EHBP1: variants seen among roughly 807,000 people sequenced by gnomAD.
The protein encoded by EHBP1 is EH domain-binding protein 1.
In EHBP1, 55 loss-of-function variants were observed where a neutral mutation model predicts 144.0. The ratio of observed to expected loss-of-function variants is 0.38; its 90% CI spans 0.31 to 0.48. The LOEUF is 0.48. Among genes scored for constraint, EHBP1 ranks in the 20% least tolerant of loss-of-function variants. The probability of loss-of-function intolerance (pLI) is 0.98; values close to 1 mark genes in which losing one functional copy is unlikely to be tolerated. For missense variants in EHBP1, 1,200 were observed against 1,364.2 expected, an observed-to-expected ratio of 0.88 and a Z score of 1.90; for synonymous variants, 469 against 472.7, an observed-to-expected ratio of 0.99 and a Z score of 0.10.
At chr2:62,880,000 AT>A (rs1212702924) in intron 10 of EHBP1, among the ~76,000 whole-genome samples, 32 of 152,280 alleles carry the variant, frequency 2.1e-4, no homozygotes, top group Non-Finnish European at 8.8e-5. Flanking sequence ...TCAAAACAGC[AT>A]GGTACTGGTA....
At chr2:62,726,021 CAG>C (rs2036755475) in intron 2 of EHBP1, among the ~76,000 whole-genome samples, 1 of 152,064 alleles carries the variant, frequency 6.6e-6, no homozygotes, top group African/African-American at 2.4e-5. Context: ...CCAAGGGACA[CAG>C]GGGTTGGGCT....
chr2:62,854,409 T>G (rs1172391337), intron 7 of EHBP1, among the ~76,000 whole-genome samples: 1 of 152,272 alleles, frequency 6.6e-6, no homozygotes, highest in Non-Finnish European at 1.5e-5. Flanking sequence ...AGACTGTCTT[T>G]GGTTTAGACA....
At chr2:62,987,937 A>G (rs781722941) in intron 15 of EHBP1, 11 of 1,551,064 alleles carry the variant, frequency 7.1e-6, no homozygotes, top group African/African-American at 1.4e-5. Context: ...ACAGATGAAA[A>G]TGATAATATT....
At chr2:62,816,742 T>C (rs1449835838) in intron 5 of EHBP1, among the ~76,000 whole-genome samples, 1 of 152,220 alleles carries the variant, frequency 6.6e-6, no homozygotes, top group Non-Finnish European at 1.5e-5. Flanking sequence ...CCTAATTCTA[T>C]AATGTTTCTG....
intron 19 of EHBP1, among the ~76,000 whole-genome samples, chr2:63,028,210 A>G (rs1007163019): frequency 6.6e-6 from 1 of 152,222 alleles, no homozygotes; most frequent in Non-Finnish European, 1.5e-5. Context: ...AAACATGGAC[A>G]TGATAAATAT....
chr2:62,775,447 A>G (rs2041990941), intron 5 of EHBP1, among the ~76,000 whole-genome samples: 2 of 152,284 alleles, frequency 1.3e-5, no homozygotes, highest in South Asian at 2.1e-4. Flanking sequence ...CTGTTGGTAT[A>G]TTGTCCTGAC....
chr2:62,747,859 C>T (rs1294386175), intron 3 of EHBP1, among the ~76,000 whole-genome samples: 3 of 151,948 alleles, frequency 2.0e-5, no homozygotes. Flanking sequence ...AATTAGGCAT[C>T]CTTATAAAAG....
chr2:62,989,783 T>C (rs1447561856), intron 15 of EHBP1, among the ~76,000 whole-genome samples: 1 of 152,082 alleles, frequency 6.6e-6, no homozygotes, highest in African/African-American at 2.4e-5. Flanking sequence ...TGCTTTATTT[T>C]CCCCCCAAAT....
intron 10 of EHBP1, among the ~76,000 whole-genome samples, chr2:62,882,456 G>A (rs1173905721): frequency 6.6e-6 from 1 of 152,184 alleles, no homozygotes; most frequent in East Asian, 1.9e-4. Flanking sequence ...TATCCATTCT[G>A]ACCATAAAGA....
At chr2:63,003,380 A>ATCC (rs2059920517) in intron 19 of EHBP1, among the ~76,000 whole-genome samples, 1 of 152,082 alleles carries the variant, frequency 6.6e-6, no homozygotes, top group Non-Finnish European at 1.5e-5. Context: ...AGATGAATTC[A>ATCC]AAGTAATTGG....
intron 10 of EHBP1, among the ~76,000 whole-genome samples, chr2:62,936,616 CT>C (rs1240565668): frequency 6.6e-6 from 1 of 151,944 alleles, no homozygotes; most frequent in East Asian, 1.9e-4. Context: ...TTCACTTACT[CT>C]CTAGTTTTCC....
intron 5 of EHBP1, among the ~76,000 whole-genome samples, chr2:62,818,073 A>G (rs2045578018): frequency 2.0e-5 from 3 of 151,850 alleles, no homozygotes; most frequent in African/African-American, 7.2e-5. Context: ...TTTGTGAAAA[A>G]TACAGGTGTA....
chr2:62,999,329 T>C (rs2059761045), intron 19 of EHBP1, among the ~76,000 whole-genome samples: 1 of 152,178 alleles, frequency 6.6e-6, no homozygotes, highest in African/African-American at 2.4e-5. Context: ...TTTTTGCTGA[T>C]TTGAAATTCA....
rs2058853787 is a variant in EHBP1 at position 62,979,283 on chromosome 2, C to G, written c.2556C>G (p.Ser852Arg). 1 of 1,613,838 alleles carries G rather than the reference C, an allele frequency of 6.2e-7. No individual in the cohort carries two copies. The highest frequency in any genetic ancestry group is 1.3e-5 in the African/African-American group (1 of 75,050). ...GAGTGAAGATGTCAGAACTTCCCAG[C>G]TATGGTGAAATGGCTGCAGAAAAGT... ...RSGVKMSELP[S>R]YGEMAAEKLK... is the part of the protein sequence containing the mutation. The change falls in exon 15 of 23, where the codon AGC becomes AGG. Residue 852 changes from serine (S) to arginine (R), a missense_variant. Ser to Arg is a moderately radical substitution (Grantham distance 110). Transcript: ENST00000431489.
intron 12 of EHBP1, among the ~76,000 whole-genome samples, chr2:62,947,093 A>C (rs1398649642): frequency 6.6e-6 from 1 of 152,196 alleles, no homozygotes; most frequent in African/African-American, 2.4e-5. Context: ...AATGACTTCA[A>C]TTTTCCTAAA....
At chr2:62,799,650 T>G (rs1206360163) in intron 5 of EHBP1, among the ~76,000 whole-genome samples, 3 of 152,214 alleles carry the variant, frequency 2.0e-5, no homozygotes, top group Non-Finnish European at 2.9e-5. Context: ...TTGATTATAC[T>G]GGAAACTATG....
At chr2:62,979,126 G>C in intron 14 of EHBP1, 62 bp from the exon 15 acceptor site, 2 of 1,534,334 alleles carry the variant, frequency 1.3e-6, no homozygotes, top group South Asian at 2.5e-5. Flanking sequence ...ATGATGATCA[G>C]ATTGAAAATG....
At chr2:62,922,036 A>G (rs184205485) in intron 10 of EHBP1, among the ~76,000 whole-genome samples, 89 of 152,228 alleles carry the variant, frequency 5.8e-4, no homozygotes, top group Admixed American at 1.7e-3. Flanking sequence ...TTAGCCAGGC[A>G]TGGTGGCAGG....
At chr2:62,865,994 G>A (rs934780830) in intron 9 of EHBP1, among the ~76,000 whole-genome samples, 1 of 152,180 alleles carries the variant, frequency 6.6e-6, no homozygotes, top group Non-Finnish European at 1.5e-5. Context: ...GCTGAGTGTG[G>A]ATCAGAGCTT....
Sources: gnomAD v4.1 joint callset for allele counts (sites outside exome capture counted in the v4.1 genomes callset) on GRCh38, gnomAD v4.1.1 for gene constraint, MANE v1.5 for transcripts, NCBI Gene and HGNC (gene_info 2026-07-23, HGNC 2026-07-21) for gene names.